RDX: variants seen among roughly 807,000 people sequenced by gnomAD.
RDX encodes the protein radixin.
Under a neutral mutation model 83.7 loss-of-function variants are expected in RDX, and 32 were observed. The ratio of observed to expected loss-of-function variants is 0.38; its 90% CI spans 0.29 to 0.51. The LOEUF (loss-of-function observed/expected upper bound fraction) is 0.51. RDX is among the 20% of genes least tolerant of loss of function. RDX has a pLI of 0.87. For synonymous variants in RDX, 229 were observed against 222.7 expected (o/e 1.03, Z -0.25); for missense variants, 600 against 689.9 (o/e 0.87, Z 1.46).
At position 110,254,112 on chromosome 11, in the gene RDX, A is replaced by T; in HGVS notation, c.796-3T>A. The T allele has an allele frequency of 6.2e-7, 1 of 1,612,506 alleles. No homozygotes were observed. The highest frequency in any genetic ancestry group is 8.5e-7 in the Non-Finnish European group (1 of 1,179,136). On this transcript the variant is annotated splice_polypyrimidine_tract_variant and splice_region_variant and intron_variant, in intron 8 of 13. Transcript: ENST00000645495. ...CGAGGTGCATAAAACACAAAATCCT[A>T]AACATAAAGTATTCTGAATTTAAAA...
At chr11:110,228,242 G>C (rs76245610), downstream of RDX, among the ~76,000 whole-genome samples, 378 of 152,152 alleles carry the variant, frequency 2.5e-3, 2 homozygotes, top group African/African-American at 8.7e-3. Flanking sequence ...CGTAGACTGT[G>C]GGGGGTCAGG....
chr11:110,188,530 G>C (rs1215511044), intron 15 of RDX, among the ~76,000 whole-genome samples: 1 of 151,862 alleles, frequency 6.6e-6, no homozygotes, highest in Non-Finnish European at 1.5e-5. Context: ...GGGGGGTGAG[G>C]GATAAAAGAC....
intron 3 of RDX, 97 bp from the exon 4 acceptor site, chr11:110,264,971 A>T: frequency 1.2e-6 from 1 of 840,300 alleles, no homozygotes; most frequent in Non-Finnish European, 2.0e-6. Context: ...AAACTATGTA[A>T]GTATACGTAT....
chr11:110,176,806 C>T (rs565718756), intron 15 of RDX, among the ~76,000 whole-genome samples: 48 of 152,230 alleles, frequency 3.2e-4, no homozygotes, highest in South Asian at 1.2e-3. Flanking sequence ...CCTAAGGAGC[C>T]GAAGGTGGTG....
chr11:110,220,192 TA>T (rs1445489750), intron 14 of RDX, among the ~76,000 whole-genome samples: 2 of 152,112 alleles, frequency 1.3e-5, no homozygotes, highest in African/African-American at 4.8e-5. Flanking sequence ...CAAAACATAT[TA>T]AAAAATGGAA....
intron 5 of RDX, among the ~76,000 whole-genome samples, chr11:110,262,749 T>C (rs552143514): frequency 1.3e-5 from 2 of 152,316 alleles, no homozygotes; most frequent in East Asian, 1.9e-4. Flanking sequence ...GAAGGATTAT[T>C]ATCCCCACTT....
chr11:110,283,964 A>C (rs937255349), intron 1 of RDX, among the ~76,000 whole-genome samples: 3 of 152,198 alleles, frequency 2.0e-5, no homozygotes, highest in Non-Finnish European at 2.9e-5. Context: ...CCACTCAGTA[A>C]ACACTTCAAT....
intron 14 of RDX, among the ~76,000 whole-genome samples, chr11:110,224,221 T>TAAA (rs1298726577): frequency 6.8e-6 from 1 of 146,358 alleles, no homozygotes; most frequent in Non-Finnish European, 1.5e-5. Context: ...ATATATATAT[T>TAAA]AAAAAAAAAA....
At chr11:110,228,503 G>C (rs1864504806), downstream of RDX, among the ~76,000 whole-genome samples, 1 of 151,830 alleles carries the variant, frequency 6.6e-6, no homozygotes. Context: ...TCTAAGCTTT[G>C]GTTTACTCAT....
chr11:110,251,199 C>G (rs1381062429), intron 9 of RDX, among the ~76,000 whole-genome samples: 6 of 152,096 alleles, frequency 3.9e-5, no homozygotes, highest in Non-Finnish European at 8.8e-5. Flanking sequence ...TGCAGTTGTT[C>G]TATTTCAAGG....
intron 10 of RDX, among the ~76,000 whole-genome samples, chr11:110,244,964 G>GTTTT (rs200267779): frequency 1.5e-5 from 2 of 136,308 alleles, no homozygotes; most frequent in Admixed American, 7.4e-5. Context: ...GTACTTCAAA[G>GTTTT]TTTTTTTTTT....
At chr11:110,292,425 G>A (rs1010092020) in intron 1 of RDX, among the ~76,000 whole-genome samples, 1 of 152,044 alleles carries the variant, frequency 6.6e-6, no homozygotes, top group East Asian at 1.9e-4. Context: ...AGCTGTAATA[G>A]TGCCACTGCA....
intron 14 of RDX, among the ~76,000 whole-genome samples, chr11:110,211,673 A>G (rs1263961446): frequency 7.0e-6 from 1 of 143,850 alleles, no homozygotes; most frequent in East Asian, 2.0e-4. Context: ...ACTCAGGATT[A>G]AGAATCTCAC....
At position 110,285,077 on chromosome 11, in the gene RDX, T is replaced by C. The variant is rs116526714; in HGVS notation, c.-64-5321A>G. Among the ~76,000 whole-genome samples, 551 of 152,264 alleles carry C rather than the reference T, an allele frequency of 3.6e-3. 4 individuals carry two copies. The highest frequency in any genetic ancestry group is 0.012 in the African/African-American group (493 of 41,556). On this transcript the variant is annotated intron_variant, in intron 1 of 13. Coordinates refer to ENST00000645495, the MANE Select transcript of RDX (RefSeq NM_002906.4). Reference sequence around the variant, plus strand: ...GTTTTTACACCAATTTAGTGATTAATGGAAAATATTTATATCAAGAGAATA... The same window carrying C: ...GTTTTTACACCAATTTAGTGATTAACGGAAAATATTTATATCAAGAGAATA...
chr11:110,244,964 G>GTTT (rs200267779), intron 10 of RDX, among the ~76,000 whole-genome samples: 8 of 136,304 alleles, frequency 5.9e-5, no homozygotes, highest in Non-Finnish European at 4.8e-5. Context: ...GTACTTCAAA[G>GTTT]TTTTTTTTTT....
chr11:110,261,749 G>C (rs917962605), intron 5 of RDX, among the ~76,000 whole-genome samples: 1 of 152,192 alleles, frequency 6.6e-6, no homozygotes, highest in Non-Finnish European at 1.5e-5. Flanking sequence ...AACAAATCTT[G>C]AAATAGGCAT....
intron 15 of RDX, among the ~76,000 whole-genome samples, chr11:110,186,413 G>A (rs901081068): frequency 5.9e-5 from 9 of 151,666 alleles, no homozygotes; most frequent in African/African-American, 2.2e-4. Flanking sequence ...TCTGAACATA[G>A]GCAATCTTCA....
At chr11:110,267,517 C>A (rs956056814) in intron 3 of RDX, among the ~76,000 whole-genome samples, 8 of 44,694 alleles carry the variant, frequency 1.8e-4, no homozygotes, top group South Asian at 1.5e-3. Flanking sequence ...CGTCTCAAAA[C>A]ACACACACAC....
intron 1 of RDX, among the ~76,000 whole-genome samples, chr11:110,285,352 T>A (rs1242079132): frequency 1.3e-5 from 2 of 152,078 alleles, no homozygotes; most frequent in African/African-American, 4.8e-5. Flanking sequence ...GCCACTGCAC[T>A]CAAGCCCAGG....
Sources: allele counts gnomAD v4.1 joint callset (sites outside exome capture counted in the v4.1 genomes callset), GRCh38; gene constraint gnomAD v4.1.1; transcripts MANE v1.5; gene names NCBI Gene and HGNC (gene_info 2026-07-23, HGNC 2026-07-21).